PALM2AKAP2: variants seen among roughly 807,000 people sequenced by gnomAD.
PALM2AKAP2 encodes PALM2 and AKAP2 fusion.
A neutral mutation model predicts 71.5 loss-of-function variants in PALM2AKAP2; 37 were observed. That is an observed-to-expected ratio of 0.52 (90% CI 0.40 to 0.68). The LOEUF is 0.68. Ranked by LOEUF, PALM2AKAP2 falls within the 30% of genes least tolerant of loss-of-function variation. The pLI is 0.00. For synonymous variants in PALM2AKAP2, 468 were observed against 478.8 expected, an observed-to-expected ratio of 0.98 and a Z score of 0.29; for missense variants, 1,224 against 1,191.8, an observed-to-expected ratio of 1.03 and a Z score of -0.40.
At chr9:109,909,390 G>T (rs2131885422) in intron 3 of PALM2AKAP2, among the ~76,000 whole-genome samples, 1 of 152,332 alleles carries the variant, frequency 6.6e-6, no homozygotes, top group East Asian at 1.9e-4. Flanking sequence ...GAGCCGGAAG[G>T]TCTGCTTGAG....
intron 1 of PALM2AKAP2, among the ~76,000 whole-genome samples, chr9:109,854,167 A>ACTACC (rs1377080389): frequency 6.6e-6 from 1 of 152,212 alleles, no homozygotes; most frequent in African/African-American, 2.4e-5. Context: ...CACCAGGGTC[A>ACTACC]CTACCAGCAG....
chr9:110,071,269 G>A (rs1357375384), intron 1 of PALM2AKAP2, among the ~76,000 whole-genome samples: 1 of 151,854 alleles, frequency 6.6e-6, no homozygotes, highest in South Asian at 2.1e-4. Flanking sequence ...CATTTAGAGA[G>A]TCTGATAGGT....
chr9:110,062,493 T>C (rs1217093998), intron 1 of PALM2AKAP2, among the ~76,000 whole-genome samples: 1 of 152,192 alleles, frequency 6.6e-6, no homozygotes, highest in African/African-American at 2.4e-5. Context: ...ATTTTAAAAC[T>C]TATGTAAATT....
chr9:110,023,544 C>A (rs1333172819), intron 7 of PALM2AKAP2, among the ~76,000 whole-genome samples: 2 of 151,826 alleles, frequency 1.3e-5, no homozygotes, highest in African/African-American at 4.8e-5. Flanking sequence ...GAACTCACCA[C>A]CTCAAATGAT....
chr9:110,122,969 C>T (rs1005578734), intron 1 of PALM2AKAP2, among the ~76,000 whole-genome samples: 6 of 152,238 alleles, frequency 3.9e-5, no homozygotes, highest in Non-Finnish European at 5.9e-5. Flanking sequence ...CTTTTGCAGC[C>T]TCAGCCTAGC....
intron 6 of PALM2AKAP2, 119 bp downstream of exon 6, chr9:109,932,147 G>A (rs1041244416): frequency 1.8e-6 from 2 of 1,099,562 alleles, no homozygotes; most frequent in Non-Finnish European, 2.4e-6. Flanking sequence ...CTTCAGCCCA[G>A]CCTCAGATGC....
At chr9:109,894,289 A>C (rs971009987) in intron 3 of PALM2AKAP2, among the ~76,000 whole-genome samples, 1 of 152,226 alleles carries the variant, frequency 6.6e-6, no homozygotes, top group Non-Finnish European at 1.5e-5. Context: ...CAGTCAGCCA[A>C]GATCGCACCA....
chr9:109,728,725 G>T (rs1828511545), intron 1 of PALM2AKAP2, among the ~76,000 whole-genome samples: 1 of 152,082 alleles, frequency 6.6e-6, no homozygotes, highest in South Asian at 2.1e-4. Flanking sequence ...CAGAAAAATA[G>T]TTCAAATTTT....
At chr9:109,693,301 C>T (rs1322225258) in intron 1 of PALM2AKAP2, among the ~76,000 whole-genome samples, 1 of 151,888 alleles carries the variant, frequency 6.6e-6, no homozygotes, top group Non-Finnish European at 1.5e-5. Context: ...TCTGTAGGAT[C>T]TCTGAGCAGT....
At chr9:110,025,969 A>G (rs926142512) in intron 7 of PALM2AKAP2, among the ~76,000 whole-genome samples, 10 of 152,196 alleles carry the variant, frequency 6.6e-5, no homozygotes, top group Admixed American at 6.5e-4. Context: ...AGGAGGGTGC[A>G]CTCAACTCAC....
chr9:109,806,602 G>A lies in PALM2AKAP2; in HGVS notation c.45+26069G>A, dbSNP rs560301540. Among the ~76,000 whole-genome samples, 145 of 152,310 alleles carry A rather than the reference G, an allele frequency of 9.5e-4. 1 individual carries two copies. Among genetic ancestry groups the A allele is most frequent in the Non-Finnish European group, 1.8e-3 (124 of 68,040 alleles). The stretch of plus-strand genomic sequence containing the variant: ...TGTTCAAGAAAAACCTTACTAATAA[G>A]CTAGTGTTGGAGCTGTGATAAAAAA... On this transcript the variant is annotated intron_variant, in intron 1 of 9. Coordinates refer to the PALM2AKAP2 transcript ENST00000302798.
chr9:110,057,867 G>C (rs931249196), intron 1 of PALM2AKAP2, among the ~76,000 whole-genome samples: 1 of 152,134 alleles, frequency 6.6e-6, no homozygotes, highest in Non-Finnish European at 1.5e-5. Flanking sequence ...TACTGTGTGA[G>C]GAAGCTCTGC....
intron 7 of PALM2AKAP2, among the ~76,000 whole-genome samples, chr9:110,016,879 G>A (rs998775984): frequency 5.3e-5 from 8 of 152,098 alleles, no homozygotes; most frequent in African/African-American, 1.9e-4. Flanking sequence ...GCTGTAACTG[G>A]AGATATTTCT....
intron 7 of PALM2AKAP2, among the ~76,000 whole-genome samples, chr9:110,035,311 C>T (rs1440576390): frequency 4.0e-5 from 3 of 75,932 alleles, no homozygotes; most frequent in African/African-American, 7.1e-5. Context: ...ATACATATTA[C>T]ATACATATGT....
exon 2 of PALM2AKAP2, chr9:110,137,222 C>G (rs151091819): frequency 1.2e-6 from 2 of 1,614,128 alleles, no homozygotes; most frequent in African/African-American, 2.7e-5. Flanking sequence ...TGCTCGCAAA[C>G]AATTTCAGCT....
At chr9:110,092,552 A>G (rs1299541697) in intron 1 of PALM2AKAP2, among the ~76,000 whole-genome samples, 1 of 151,712 alleles carries the variant, frequency 6.6e-6, no homozygotes, top group Non-Finnish European at 1.5e-5. Flanking sequence ...TGCACTTTAG[A>G]TTTTTTTTTA....
intron 1 of PALM2AKAP2, among the ~76,000 whole-genome samples, chr9:110,097,455 A>G (rs544576769): frequency 3.3e-5 from 5 of 151,322 alleles, no homozygotes; most frequent in African/African-American, 4.9e-5. Context: ...CCCGTTCTCA[A>G]TGAGCTGTTG....
intron 1 of PALM2AKAP2, among the ~76,000 whole-genome samples, chr9:109,750,930 G>C (rs190233262): frequency 6.6e-6 from 1 of 152,020 alleles, no homozygotes; most frequent in Admixed American, 6.6e-5. Flanking sequence ...TTCAAGACAG[G>C]TTTCTTTCCC....
chr9:110,157,886 C>T (rs7023301), intron 3 of PALM2AKAP2, among the ~76,000 whole-genome samples: 80,022 of 152,128 alleles, frequency 0.53, 21,417 homozygotes, highest in East Asian at 0.86. Context: ...AAATATATGG[C>T]GGTAAAGAAA....
Sources: gnomAD v4.1 joint callset for allele counts (sites outside exome capture counted in the v4.1 genomes callset) on GRCh38, gnomAD v4.1.1 for gene constraint, MANE v1.5 for transcripts, NCBI Gene and HGNC (gene_info 2026-07-23, HGNC 2026-07-21) for gene names.